DNAH10: variants seen among roughly 807,000 people sequenced by gnomAD.
The protein encoded by DNAH10 is dynein axonemal heavy chain 10.
A neutral mutation model predicts 506.6 loss-of-function variants in DNAH10; 348 were observed. That is an observed-to-expected ratio of 0.69 (90% CI 0.63 to 0.75). The LOEUF (loss-of-function observed/expected upper bound fraction) is 0.75, where lower values mean the gene tolerates loss of function less well. Among genes scored for constraint, DNAH10 ranks in the 30% least tolerant of loss-of-function variants. The pLI is 0.00. For missense variants in DNAH10, 5,179 were observed against 5,787.1 expected (o/e 0.89, Z 3.41); for synonymous variants, 2,059 against 2,198.6 (o/e 0.94, Z 1.78).
At chr12:123,884,817 A>T (rs935279229) in intron 51 of DNAH10, among the ~76,000 whole-genome samples, 1 of 152,222 alleles carries the variant, frequency 6.6e-6, no homozygotes, top group African/African-American at 2.4e-5. Flanking sequence ...CAACAATTCA[A>T]ATGATGCAGA....
chr12:123,837,027 A>G (rs538185650), intron 28 of DNAH10, among the ~76,000 whole-genome samples: 7 of 151,024 alleles, frequency 4.6e-5, no homozygotes, highest in Non-Finnish European at 7.4e-5. Flanking sequence ...AATTTTTTGT[A>G]TTTTTAGTAG....
At position 123,879,365 on chromosome 12, in the gene DNAH10, C is replaced by T. The variant is rs201453899; in HGVS notation, c.8466+8C>T. ...GAAACAGACAAGCAGCTGGTCAGTA[C>T]ATCCAATGCTTCTTCTCAGGAAATT... On this transcript the variant is annotated splice_region_variant and intron_variant, in intron 49 of 78. Coordinates refer to ENST00000673944, the MANE Select transcript of DNAH10 (RefSeq NM_001372106.1). 25 of 1,557,404 alleles carry T rather than the reference C, an allele frequency of 1.6e-5. 1 individual carries two copies. The East Asian group carries it at 4.8e-4, about 30-fold the overall frequency.
rs1393963753 is a variant in DNAH10, at chr12:123,801,403, G to C, written c.2585G>C (p.Gly862Ala). 2.5e-6 allele frequency: 4 copies of C among 1,614,146 alleles called. No homozygotes were observed. In the South Asian group the frequency reaches 4.4e-5, roughly 18 times the overall value. Reference protein sequence around the residue: ...SQELLRVFRSGYKRLNWNSLG... With the variant: ...SQELLRVFRSAYKRLNWNSLG... ...GAACTGCTCCGAGTGTTTAGGTCGG[G>C]ATATAAGAGGTTGAACTGGAACTCA... is the stretch of plus-strand genomic sequence containing the variant. Residue 862 changes from glycine (G) to alanine (A), a missense_variant, in exon 16 of 79, where the codon GGA (glycine) becomes GCA (alanine). Transcript: ENST00000673944.
Position 123,894,642 on chromosome 12 carries a change from G to T in DNAH10, c.9200-1G>T. 1 of 1,613,778 alleles carries T rather than the reference G, an allele frequency of 6.2e-7. No homozygotes were observed. The highest frequency in any genetic ancestry group is 8.5e-7 in the Non-Finnish European group (1 of 1,179,740). On this transcript the variant is annotated splice_acceptor_variant, in intron 53 of 78. Coordinates refer to ENST00000673944, the MANE Select transcript of DNAH10 (RefSeq NM_001372106.1). LOFTEE classifies it high-confidence loss of function. The stretch of plus-strand genomic sequence containing the variant: ...CTTTTTAATCTCTCTTTCCTTTCAA[G>T]GTATGGTAAATAACACTGGTATTGA...
At chr12:123,795,901 C>T (rs1219826100) in intron 12 of DNAH10, among the ~76,000 whole-genome samples, 4 of 152,058 alleles carry the variant, frequency 2.6e-5, no homozygotes, top group Non-Finnish European at 4.4e-5. Flanking sequence ...AGGATAAGTG[C>T]TTGAGGGGAT....
At chr12:123,793,898 AT>A in intron 11 of DNAH10, 43 bp from the exon 12 acceptor site, 1 of 1,104,606 alleles carries the variant, frequency 9.1e-7, no homozygotes, top group South Asian at 2.2e-5. Flanking sequence ...TTTTGGCAGG[AT>A]AATTACAGGG....
chr12:123,863,055 A>T (rs1422178006), intron 39 of DNAH10, among the ~76,000 whole-genome samples: 1 of 152,228 alleles, frequency 6.6e-6, no homozygotes, highest in Non-Finnish European at 1.5e-5. Flanking sequence ...TAAAAATAAA[A>T]AGCTAAAAGG....
At chr12:123,765,993 C>A (rs560782984) in intron 1 of DNAH10, among the ~76,000 whole-genome samples, 1 of 152,062 alleles carries the variant, frequency 6.6e-6, no homozygotes, top group Non-Finnish European at 1.5e-5. Context: ...ATCCATCTAT[C>A]AATTATCTAC....
At chr12:123,780,161 CTCT>C (rs1446531406) in intron 5 of DNAH10, among the ~76,000 whole-genome samples, 2 of 139,910 alleles carry the variant, frequency 1.4e-5, no homozygotes, top group East Asian at 2.6e-4. Context: ...CTCTCTCTCT[CTCT>C]CTCTCTCTCT....
intron 1 of DNAH10, among the ~76,000 whole-genome samples, chr12:123,767,297 C>T (rs144612280): frequency 3.9e-5 from 6 of 152,156 alleles, no homozygotes; most frequent in Non-Finnish European, 8.8e-5. Flanking sequence ...GTGTTAAATA[C>T]GTTCATAGTG....
rs997130661 is a variant in DNAH10, at chr12:123,926,751, A to T, written c.12036A>T (p.Lys4012Asn). The T allele has an allele frequency of 6.2e-7, 1 of 1,613,986 alleles. No individual in the cohort carries two copies. The highest frequency in any genetic ancestry group is 1.3e-5 in the African/African-American group (1 of 75,032). Residue 4012 changes from lysine (K) to asparagine (N), a missense_variant, in exon 69 of 79, where the codon AAA (lysine) becomes AAT (asparagine). Physicochemically the swap from Lys to Asn is moderately conservative, Grantham distance 94. Around this residue, in one of 3 missense-constraint regions of DNAH10, gnomAD observed 4,844 missense variants for 5,430.5 expected, o/e 0.89. Transcript: ENST00000673944. This position sits in a 1 kb window ranked among gnomAD's most constrained non-coding sequence, Gnocchi z 4.1. ...CCGACCCTGCCACTGATCTTATGAA[A>T]TTAGCAGAGCGAAGTGGTTTTGGAG... ...PGSDPATDLM[K>N]LAERSGFGGN...
intron 5 of DNAH10, among the ~76,000 whole-genome samples, chr12:123,777,194 T>G (rs1957473567): frequency 6.6e-6 from 1 of 152,124 alleles, no homozygotes; most frequent in South Asian, 2.1e-4. Flanking sequence ...GAGTGATGCT[T>G]TAAAACATGG....
At chr12:123,816,096 C>A (rs777292589) in intron 21 of DNAH10, among the ~76,000 whole-genome samples, 7 of 152,076 alleles carry the variant, frequency 4.6e-5, no homozygotes, top group Non-Finnish European at 8.8e-5. Flanking sequence ...TTGTAATTTC[C>A]TGAGTGATAG....
At chr12:123,891,508 C>A (rs566203777) in intron 52 of DNAH10, among the ~76,000 whole-genome samples, 5 of 152,074 alleles carry the variant, frequency 3.3e-5, no homozygotes, top group African/African-American at 4.8e-5. Flanking sequence ...CCGAGTGAAC[C>A]ATCCAGGGAG....
In DNAH10 at chr12:123,926,932, T is replaced by C. The variant is rs1320010028; in HGVS notation, c.12105+112T>C. 4.9e-6 allele frequency: 6 copies of C among 1,213,018 alleles called. No individual in the cohort carries two copies. Among genetic ancestry groups the C allele is most frequent in the Non-Finnish European group, 6.9e-6 (6 of 874,888 alleles). The allele number at this position is 1,213,018 out of a possible 1,614,324, so 75.1% of individuals were successfully genotyped here. The stretch of plus-strand genomic sequence containing the variant: ...AGTGCCACGCCACAAATCAGTTGGA[T>C]GCATTTCCGAGCTAAGAAGCAGTAA... On this transcript the variant is annotated intron_variant, in intron 69 of 78. Transcript: ENST00000673944. This position sits in a 1 kb window ranked among gnomAD's most constrained non-coding sequence, Gnocchi z 4.1.
At chr12:123,924,527 C>T (rs1465699827) in intron 67 of DNAH10, 95 bp downstream of exon 67, 49 of 1,460,174 alleles carry the variant, frequency 3.4e-5, no homozygotes, top group South Asian at 1.5e-4. Flanking sequence ...GAAGACACTC[C>T]TTTGAGTAAC....
rs1312752643 is a variant in DNAH10, at chr12:123,818,941, C to T, written c.3781-9C>T. On this transcript the variant is annotated splice_polypyrimidine_tract_variant and intron_variant, in intron 21 of 78. Coordinates refer to ENST00000673944, the MANE Select transcript of DNAH10 (RefSeq NM_001372106.1). ...GTTGTTTATTCTGTTTTTTGTTTCT[C>T]CTAATTAGCCTCCTGATGCAGAGAA... 2 of 1,560,734 alleles carry T rather than the reference C, an allele frequency of 1.3e-6. No homozygotes were observed. Among genetic ancestry groups the T allele is most frequent in the Non-Finnish European group, 1.7e-6 (2 of 1,145,142 alleles).
chr12:123,820,316 T>C (rs1959259306), intron 23 of DNAH10, among the ~76,000 whole-genome samples: 1 of 152,154 alleles, frequency 6.6e-6, no homozygotes, highest in African/African-American at 2.4e-5. Context: ...GACCACAACA[T>C]AGACCACCTC....
Position 123,851,062 on chromosome 12 carries a change from T to C in DNAH10, c.6277T>C (p.Phe2093Leu), listed in dbSNP as rs1171507093. 6.2e-7 allele frequency: 1 copy of C among 1,603,214 alleles called. No homozygotes were observed. The highest frequency in any genetic ancestry group is 1.3e-5 in the African/African-American group (1 of 74,818). ...ICEIMLFSEG[F>L]LEAKTLAKKM... ...TGAGATCATGCTCTTCTCTGAGGGC[T>C]TCCTGGAGGCCAAGGTGGGGGGCCT... The change falls in exon 35 of 79, where the codon TTC becomes CTC. Residue 2093 changes from phenylalanine to leucine, a missense_variant. By Grantham distance (22) the Phe-to-Leu change is conservative. Transcript: ENST00000673944.
Sources: gnomAD v4.1 joint callset for allele counts (sites outside exome capture counted in the v4.1 genomes callset) on GRCh38, gnomAD v4.1.1 for gene constraint, gnomAD v4.1.1 regional missense constraint, Gnocchi (gnomAD v3.1) non-coding constraint, MANE v1.5 for transcripts, NCBI Gene and HGNC (gene_info 2026-07-23, HGNC 2026-07-21) for gene names.